ACVR2A: variants seen among roughly 807,000 people sequenced by gnomAD.
ACVR2A encodes the protein activin receptor type-2A.
In ACVR2A, 7 loss-of-function variants were observed where a neutral mutation model predicts 61.4. The ratio of observed to expected loss-of-function variants is 0.11; its 90% confidence interval spans 0.06 to 0.21. The LOEUF is 0.21. Among genes scored for constraint, ACVR2A ranks in the 10% least tolerant of loss-of-function variants. The probability of loss-of-function intolerance (pLI) is 1.00; values close to 1 mark genes in which losing one functional copy is unlikely to be tolerated. For synonymous variants in ACVR2A, 193 were observed against 208.3 expected, an observed-to-expected ratio of 0.93 and a Z score of 0.63; for missense variants, 322 against 621.7, an observed-to-expected ratio of 0.52 and a Z score of 5.13.
In ACVR2A at chr2:147,875,138, A is replaced by G. The variant is rs192795708; in HGVS notation, c.56-21163A>G. ...TATCTGTTTAAATTTAGAGGTTTAG[A>G]GTGTGTCAGTATTATAAATTTTTTT... On this transcript the variant is annotated intron_variant, in intron 1 of 10. Transcript: ENST00000241416. 2.6e-5 allele frequency among the ~76,000 whole-genome samples: 4 copies of G among 152,142 alleles called. No individual in the cohort carries two copies. In the East Asian group the frequency reaches 7.7e-4, roughly 29 times the overall value.
chr2:147,867,787 G>A (rs1007162723), intron 1 of ACVR2A, among the ~76,000 whole-genome samples: 1 of 151,972 alleles, frequency 6.6e-6, no homozygotes, highest in Non-Finnish European at 1.5e-5. Context: ...AATACACGCA[G>A]TACCCCCAAG....
intron 1 of ACVR2A, among the ~76,000 whole-genome samples, chr2:147,874,389 C>A (rs1558798716): frequency 6.6e-6 from 1 of 151,592 alleles, no homozygotes; most frequent in African/African-American, 2.4e-5. Context: ...TTTGGGATGT[C>A]CAGAGGGGAA....
intron 4 of ACVR2A, among the ~76,000 whole-genome samples, chr2:147,902,643 G>A (rs1417071754): frequency 6.6e-6 from 1 of 151,898 alleles, no homozygotes; most frequent in Non-Finnish European, 1.5e-5. Flanking sequence ...TTTGGAATAG[G>A]GTTGATGACC....
In ACVR2A at chr2:147,930,468, AT is replaced by A. The variant is rs1475110189; in HGVS notation, c.*3196del. ...GAACATTTGGTATGATATGCATAAAATTATTTATCCATTTATGGGCAAAATG... is the reference window on the plus strand; with the variant it reads ...GAACATTTGGTATGATATGCATAAAATATTTATCCATTTATGGGCAAAATG... On this transcript the variant is annotated 3_prime_UTR_variant, in exon 11 of 11. Coordinates refer to ENST00000241416, the MANE Select transcript of ACVR2A (RefSeq NM_001616.5). 6.6e-6 allele frequency: 1 copy of A among 152,104 alleles called. No homozygotes were observed. The highest frequency in any genetic ancestry group is 1.5e-5 in the Non-Finnish European group (1 of 67,918). 9.4% of individuals were successfully genotyped at this position (152,104 alleles called of 1,614,324 possible). A position where few individuals can be genotyped will look rare whatever the true frequency, so the allele number is the denominator to read the frequency against.
Position 147,899,913 on chromosome 2 carries a change from T to C in ACVR2A, c.528+15T>C, listed in dbSNP as rs1475133312. On this transcript the variant is annotated intron_variant, in intron 4 of 10. Coordinates refer to ENST00000241416, the MANE Select transcript of ACVR2A (RefSeq NM_001616.5). ...TTCCAACTCAAGTAAGTTATTGTCCTGTACTTTGTAGTGTTTTAAATTGTA... is the reference window on the plus strand; with the variant it reads ...TTCCAACTCAAGTAAGTTATTGTCCCGTACTTTGTAGTGTTTTAAATTGTA... The C allele has an allele frequency of 1.2e-6, 2 of 1,611,804 alleles. No homozygotes were observed. Among genetic ancestry groups the C allele is most frequent in the South Asian group, 2.2e-5 (2 of 90,744 alleles).
chr2:147,845,024 T>TTG, upstream of ACVR2A: 1 of 262,052 alleles, frequency 3.8e-6, no homozygotes, highest in Non-Finnish European at 7.1e-6. Context: ...TTTTTTTTTT[T>TTG]TTTGGTCTGG....
At chr2:147,922,674 C>T (rs1430862313) in intron 8 of ACVR2A, among the ~76,000 whole-genome samples, 2 of 151,754 alleles carry the variant, frequency 1.3e-5, no homozygotes, top group Non-Finnish European at 2.9e-5. Context: ...ACATTTCAAA[C>T]AGTATGCAAA....
At chr2:147,868,579 C>G (rs796914907) in intron 1 of ACVR2A, among the ~76,000 whole-genome samples, 60 of 151,746 alleles carry the variant, frequency 4.0e-4, no homozygotes, top group African/African-American at 1.4e-3. Flanking sequence ...CCTGCCCCCC[C>G]CAAGGTTTTA....
chr2:147,911,070 T>C (rs1187900034), intron 4 of ACVR2A, among the ~76,000 whole-genome samples: 1 of 152,186 alleles, frequency 6.6e-6, no homozygotes, highest in Non-Finnish European at 1.5e-5. Context: ...TCTGAGAAAC[T>C]GATTTCTAGC....
At chr2:147,858,702 A>G (rs1401160938) in intron 1 of ACVR2A, among the ~76,000 whole-genome samples, 2 of 152,200 alleles carry the variant, frequency 1.3e-5, no homozygotes, top group African/African-American at 4.8e-5. Flanking sequence ...GTCCGCAGAC[A>G]TTTTTGTAAA....
chr2:147,888,045 T>C (rs754290282), intron 1 of ACVR2A, among the ~76,000 whole-genome samples: 2 of 152,332 alleles, frequency 1.3e-5, no homozygotes, highest in South Asian at 4.1e-4. Context: ...CCATGTCTGA[T>C]TGCTCCAGCT....
intron 1 of ACVR2A, among the ~76,000 whole-genome samples, chr2:147,863,874 A>T (rs1357878459): frequency 6.6e-6 from 1 of 152,232 alleles, no homozygotes; most frequent in Non-Finnish European, 1.5e-5. Flanking sequence ...ATTTGCTCTG[A>T]TCACCACTTG....
chr2:147,894,342 A>G (rs1258290077), intron 1 of ACVR2A, among the ~76,000 whole-genome samples: 3 of 152,112 alleles, frequency 2.0e-5, no homozygotes, highest in Admixed American at 1.3e-4. Flanking sequence ...TATTTTGGGT[A>G]TTCCAGTTTC....
At chr2:147,923,786 A>G (rs1270859260) in intron 9 of ACVR2A, among the ~76,000 whole-genome samples, 1 of 152,096 alleles carries the variant, frequency 6.6e-6, no homozygotes, top group Non-Finnish European at 1.5e-5. Flanking sequence ...ACTCCTAAAC[A>G]GATGTAAATG....
At chr2:147,892,157 A>G (rs982800766) in intron 1 of ACVR2A, among the ~76,000 whole-genome samples, 1 of 151,956 alleles carries the variant, frequency 6.6e-6, no homozygotes, top group Non-Finnish European at 1.5e-5. Context: ...TTTTTAACAG[A>G]GAAGGGGTTT....
chr2:147,862,326 T>A (rs1685745588), intron 1 of ACVR2A, among the ~76,000 whole-genome samples: 1 of 152,098 alleles, frequency 6.6e-6, no homozygotes. Context: ...GCTAGCTTGA[T>A]GTTGTAACTA....
intron 4 of ACVR2A, among the ~76,000 whole-genome samples, chr2:147,904,366 T>G (rs1558809205): frequency 2.0e-5 from 3 of 152,004 alleles, no homozygotes; most frequent in Non-Finnish European, 4.4e-5. Flanking sequence ...TGAGCTTGTT[T>G]CCTGCTTATA....
At chr2:147,889,270 T>C (rs972306789) in intron 1 of ACVR2A, among the ~76,000 whole-genome samples, 45 of 152,314 alleles carry the variant, frequency 3.0e-4, no homozygotes, top group Admixed American at 1.0e-3. Context: ...TCTGTGTTTT[T>C]CTTTTTGGGC....
intron 1 of ACVR2A, among the ~76,000 whole-genome samples, chr2:147,858,982 A>G (rs959946991): frequency 9.2e-5 from 14 of 152,126 alleles, no homozygotes; most frequent in African/African-American, 3.4e-4. Flanking sequence ...TAGTTTGCCA[A>G]TCTCTTGGAC....
Sources: allele counts gnomAD v4.1 joint callset (sites outside exome capture counted in the v4.1 genomes callset), GRCh38; gene constraint gnomAD v4.1.1; transcripts MANE v1.5; gene names NCBI Gene and HGNC (gene_info 2026-07-23, HGNC 2026-07-21).